Variants in CNTN6 observed in about 807,000 individuals in gnomAD.
CNTN6 encodes contactin-6.
CNTN6 carries 137 observed loss-of-function variants against 122.8 expected under a neutral mutation model. The observed-to-expected ratio is 1.12, with a 90% CI of 0.97 to 1.29. The LOEUF (loss-of-function observed/expected upper bound fraction) is 1.29, where lower values mean the gene tolerates loss of function less well. Ranked by LOEUF, CNTN6 falls within the 50% of genes most tolerant of loss-of-function variation. CNTN6 has a pLI of 0.00. For synonymous variants in CNTN6, 570 were observed against 426.0 expected (o/e 1.34, Z -4.16); for missense variants, 1,634 against 1,223.4 (o/e 1.34, Z -5.01).
intron 4 of CNTN6, among the ~76,000 whole-genome samples, chr3:1,255,025 T>G (rs2094730200): frequency 6.6e-6 from 1 of 152,128 alleles, no homozygotes; most frequent in African/African-American, 2.4e-5. Context: ...CTGGGGCAAC[T>G]GCAGTGATTT....
At chr3:1,286,430 G>A (rs574735126) in intron 5 of CNTN6, among the ~76,000 whole-genome samples, 4 of 152,204 alleles carry the variant, frequency 2.6e-5, no homozygotes, top group African/African-American at 9.6e-5. Context: ...TCTCACTTAT[G>A]AGTGAAAACC....
intron 12 of CNTN6, among the ~76,000 whole-genome samples, chr3:1,367,216 T>C (rs1708353927): frequency 6.6e-6 from 1 of 152,120 alleles, no homozygotes. Flanking sequence ...TTACATTAAC[T>C]GTAGTCACCA....
At chr3:1,158,969 C>CAT (rs147254743) in intron 2 of CNTN6, among the ~76,000 whole-genome samples, 29,967 of 112,850 alleles carry the variant, frequency 0.27, 5,598 homozygotes, top group East Asian at 0.59. Flanking sequence ...CACACACACA[C>CAT]ATATATATAT....
At chr3:1,253,603 C>T (rs1312125905) in intron 4 of CNTN6, among the ~76,000 whole-genome samples, 1 of 152,086 alleles carries the variant, frequency 6.6e-6, no homozygotes, top group Non-Finnish European at 1.5e-5. Flanking sequence ...AATTTTTCCC[C>T]AGGATGAGGG....
At chr3:1,156,615 T>TTTTCTTTC (rs146721292) in intron 2 of CNTN6, among the ~76,000 whole-genome samples, 6 of 150,838 alleles carry the variant, frequency 4.0e-5, no homozygotes, top group African/African-American at 9.8e-5. Context: ...TTTCTTTTTC[T>TTTTCTTTC]TTTCTTTCTT....
At chr3:1,242,754 A>T (rs2094503257) in intron 4 of CNTN6, among the ~76,000 whole-genome samples, 2 of 152,158 alleles carry the variant, frequency 1.3e-5, no homozygotes, top group Admixed American at 6.5e-5. Flanking sequence ...AGGGAAGCAG[A>T]TAATTTGGTT....
At chr3:1,291,512 G>A (rs1431835165) in intron 5 of CNTN6, among the ~76,000 whole-genome samples, 3 of 152,152 alleles carry the variant, frequency 2.0e-5, no homozygotes, top group African/African-American at 4.8e-5. Flanking sequence ...GAGCTAAAGC[G>A]TATTTCTCTC....
intron 5 of CNTN6, among the ~76,000 whole-genome samples, chr3:1,293,660 C>T (rs1427348787): frequency 6.6e-6 from 1 of 152,110 alleles, no homozygotes; most frequent in Non-Finnish European, 1.5e-5. Context: ...TAAACTACTC[C>T]CCTGTGAACT....
intron 5 of CNTN6, among the ~76,000 whole-genome samples, chr3:1,290,017 A>T (rs1575574146): frequency 6.6e-6 from 1 of 151,592 alleles, no homozygotes; most frequent in Admixed American, 6.6e-5. Context: ...GTAGCTCCAG[A>T]CCCCCCAGTG....
chr3:1,266,544 T>C (rs1386412784), intron 4 of CNTN6, among the ~76,000 whole-genome samples: 1 of 152,246 alleles, frequency 6.6e-6, no homozygotes, highest in Non-Finnish European at 1.5e-5. Flanking sequence ...CCAGGAGCTC[T>C]GTCCCATTAC....
intron 20 of CNTN6, among the ~76,000 whole-genome samples, chr3:1,396,584 A>T (rs905201124): frequency 6.6e-6 from 1 of 152,188 alleles, no homozygotes; most frequent in Non-Finnish European, 1.5e-5. Flanking sequence ...TATAATGTAC[A>T]CCAAGGTGAC....
chr3:1,358,745 C>T (rs917335597), intron 12 of CNTN6, among the ~76,000 whole-genome samples: 1 of 151,954 alleles, frequency 6.6e-6, no homozygotes, highest in Non-Finnish European at 1.5e-5. Flanking sequence ...CACCTATTGA[C>T]AGGCACAATA....
In CNTN6 at chr3:1,237,704, A is replaced by G. The variant is rs190001762; in HGVS notation, c.358+9711A>G. On this transcript the variant is annotated intron_variant, in intron 4 of 22. Coordinates refer to ENST00000446702, the MANE Select transcript of CNTN6 (RefSeq NM_001289080.2). ...CTATCAGATTAACAGAAGATTTCTTAGCAGGAACCCTACAAGCTAAAAGGG... is the reference window on the plus strand; with the variant it reads ...CTATCAGATTAACAGAAGATTTCTTGGCAGGAACCCTACAAGCTAAAAGGG... Among the ~76,000 whole-genome samples, 275 of 152,336 alleles carry G rather than the reference A, an allele frequency of 1.8e-3. 1 individual carries two copies. The highest frequency in any genetic ancestry group is 3.2e-3 in the Non-Finnish European group (217 of 68,014).
At chr3:1,186,633 T>A (rs1005116544) in intron 2 of CNTN6, among the ~76,000 whole-genome samples, 3 of 152,128 alleles carry the variant, frequency 2.0e-5, no homozygotes, top group Non-Finnish European at 4.4e-5. Context: ...TGACTCATCT[T>A]AACTTCTAAT....
chr3:1,392,101 A>G (rs963598310), intron 20 of CNTN6, among the ~76,000 whole-genome samples: 1 of 152,344 alleles, frequency 6.6e-6, no homozygotes, highest in Non-Finnish European at 1.5e-5. Flanking sequence ...TCGCCAAGTC[A>G]ATTCTAAGCC....
chr3:1,315,715 G>A (rs960279653), intron 7 of CNTN6, among the ~76,000 whole-genome samples: 2 of 151,894 alleles, frequency 1.3e-5, no homozygotes, highest in African/African-American at 4.8e-5. Flanking sequence ...GATTAACCAC[G>A]TTAAAGAAAA....
rs71619483 is a variant in CNTN6 at position 1,280,459 on chromosome 3, A to AT, written c.454+1974dup. Reference sequence around the variant, plus strand: ...GTAATGGCAAACTTGTGTAATACCAATTTTTTTTTTTTTTTTTTTTTTTGT... The same window carrying AT: ...GTAATGGCAAACTTGTGTAATACCAATTTTTTTTTTTTTTTTTTTTTTTTGT... On this transcript the variant is annotated intron_variant, in intron 5 of 22. Coordinates refer to ENST00000446702, the MANE Select transcript of CNTN6 (RefSeq NM_001289080.2). Among the ~76,000 whole-genome samples, 641 of 66,594 alleles carry AT rather than the reference A, an allele frequency of 9.6e-3. 64 individuals are homozygous for AT. Among genetic ancestry groups the AT allele is most frequent in the East Asian group, 0.058 (175 of 2,998 alleles). 43.7% of individuals were successfully genotyped at this position (66,594 alleles called of 152,430 possible).
chr3:1,304,056 A>G (rs1697911642), intron 7 of CNTN6, among the ~76,000 whole-genome samples: 2 of 152,178 alleles, frequency 1.3e-5, no homozygotes, highest in African/African-American at 4.8e-5. Context: ...ATTCTTTCTA[A>G]CACTGTGCTC....
chr3:1,165,617 T>C (rs1393531122), intron 2 of CNTN6, among the ~76,000 whole-genome samples: 1 of 152,078 alleles, frequency 6.6e-6, no homozygotes, highest in Admixed American at 6.6e-5. Flanking sequence ...ATAATAATAA[T>C]CACAACAGCT....
Sources: allele counts gnomAD v4.1 joint callset (sites outside exome capture counted in the v4.1 genomes callset), GRCh38; gene constraint gnomAD v4.1.1; transcripts MANE v1.5; gene names NCBI Gene and HGNC (gene_info 2026-07-23, HGNC 2026-07-21).